DNAH11: variants seen among roughly 807,000 people sequenced by gnomAD.
DNAH11 encodes the protein axonemal beta dynein heavy chain 11.
Under a neutral mutation model 526.0 loss-of-function variants are expected in DNAH11, and 442 were observed. The observed-to-expected ratio is 0.84, with a 90% confidence interval of 0.78 to 0.91. The LOEUF (loss-of-function observed/expected upper bound fraction) is 0.91. Ranked by LOEUF, DNAH11 falls within the 40% of genes least tolerant of loss-of-function variation. DNAH11 has a pLI of 0.00. For missense variants in DNAH11, 6,989 were observed against 5,448.7 expected, an observed-to-expected ratio of 1.28 and a Z score of -8.90; for synonymous variants, 2,461 against 1,935.9, an observed-to-expected ratio of 1.27 and a Z score of -7.12.
At chr7:21,793,548 G>T (rs965779502) in intron 61 of DNAH11, among the ~76,000 whole-genome samples, 1 of 150,744 alleles carries the variant, frequency 6.6e-6, no homozygotes, top group Non-Finnish European at 1.5e-5. Flanking sequence ...GCTGGGAGGT[G>T]AAGGCTGCAG....
Position 21,561,181 on chromosome 7 carries a change from T to C in DNAH11, c.982+11T>C, listed in dbSNP as rs750435389. 2.6e-6 allele frequency: 4 copies of C among 1,562,908 alleles called. No individual in the cohort carries two copies. The East Asian group carries it at 9.3e-5, about 36-fold the overall frequency. On this transcript the variant is annotated intron_variant, in intron 5 of 81. Transcript: ENST00000409508. The stretch of plus-strand genomic sequence containing the variant: ...TGGCTGTGGAAAATGGTAAGACTCT[T>C]GTTCCTCAGCCTGGCATCAATATCA...
In DNAH11 at chr7:21,822,233, T is replaced by C. The variant is rs371380185; in HGVS notation, c.10691+3894T>C. Among the ~76,000 whole-genome samples, 12 of 152,316 alleles carry C rather than the reference T, an allele frequency of 7.9e-5. No individual in the cohort carries two copies. The South Asian group carries it at 2.5e-3, about 32-fold the overall frequency. On this transcript the variant is annotated intron_variant, in intron 65 of 81. Coordinates refer to ENST00000409508, the MANE Select transcript of DNAH11 (RefSeq NM_001277115.2). ...GTAAAAGAAGCACAGTGCCAGCATC[T>C]GCTTCTGGTGAAGCCTCAGGAGGCT... is the stretch of plus-strand genomic sequence containing the variant.
chr7:21,779,184 A>G (rs1336536959), intron 57 of DNAH11, 80 bp downstream of exon 57: 15 of 1,489,816 alleles, frequency 1.0e-5, no homozygotes, highest in South Asian at 6.9e-5. Context: ...ATTTTGAACA[A>G]CTTCCTCTCC....
At position 21,564,206 on chromosome 7, in the gene DNAH11, G is replaced by A. The variant is rs562105878; in HGVS notation, c.1003G>A (p.Val335Met). The change falls in exon 6 of 82, where the codon GTG becomes ATG. Residue 335 changes from valine to methionine, a missense_variant. Val to Met is a conservative substitution (Grantham distance 21, BLOSUM62 1). Transcript: ENST00000409508. ...VENALLEAQDVELYLRPLRRH... is the reference protein window; with the variant it reads ...VENALLEAQDMELYLRPLRRH... ...TTCAGCTCTTCTCGAAGCCCAAGATGTGGAACTTTACCTGAGACCTCTGAG... is the reference window on the plus strand; with the variant it reads ...TTCAGCTCTTCTCGAAGCCCAAGATATGGAACTTTACCTGAGACCTCTGAG... The A allele has an allele frequency of 5.7e-5, 91 of 1,597,366 alleles. No homozygotes were observed. The South Asian group carries it at 1.0e-3, about 18-fold the overall frequency.
At chr7:21,852,405 T>TTA (rs72250572) in intron 66 of DNAH11, 62 bp from the exon 67 acceptor site, 18 of 1,243,306 alleles carry the variant, frequency 1.4e-5, no homozygotes, top group Non-Finnish European at 1.7e-5. Flanking sequence ...AGACTTCCTC[T>TTA]AAAAAAAAAA....
At chr7:21,800,720 C>G (rs911947614) in intron 61 of DNAH11, among the ~76,000 whole-genome samples, 1 of 152,140 alleles carries the variant, frequency 6.6e-6, no homozygotes, top group Middle Eastern at 3.2e-3. Flanking sequence ...AACTATGAAC[C>G]CAAAGAGAAA....
chr7:21,714,705 G>A lies in DNAH11; in HGVS notation c.6983+2845G>A, dbSNP rs541586707. Among the ~76,000 whole-genome samples the A allele has an allele frequency of 2.3e-4, 35 of 152,256 alleles. 1 individual carries two copies. The highest frequency in any genetic ancestry group is 1.9e-4 in the East Asian group (1 of 5,176). On this transcript the variant is annotated intron_variant, in intron 42 of 81. Transcript: ENST00000409508. ...AAAAGTTGGAAAGGTAGTACAATGC[G>A]CAGCCAGAGACGCTTTTCCTGCAAT...
chr7:21,859,800 A>G (rs1037310748), intron 68 of DNAH11, among the ~76,000 whole-genome samples: 15 of 152,206 alleles, frequency 9.9e-5, no homozygotes, highest in African/African-American at 3.1e-4. Flanking sequence ...CATGAATGAG[A>G]GTAATAAATA....
intron 28 of DNAH11, among the ~76,000 whole-genome samples, chr7:21,647,206 C>A (rs1787394145): frequency 6.6e-6 from 1 of 151,896 alleles, no homozygotes; most frequent in South Asian, 2.1e-4. Flanking sequence ...ATGAAAAGTA[C>A]AAAAGTGTAA....
At chr7:21,900,251 C>T in intron 81 of DNAH11, 131 bp downstream of exon 81, 1 of 1,051,094 alleles carries the variant, frequency 9.5e-7, no homozygotes, top group Non-Finnish European at 1.3e-6. Flanking sequence ...TATCTCATTT[C>T]TTCCTCTTAA....
chr7:21,697,998 A>G, intron 35 of DNAH11, 77 bp from the exon 36 acceptor site: 1 of 1,451,280 alleles, frequency 6.9e-7, no homozygotes. Context: ...GTTGGTACGA[A>G]ATAACCACTT....
chr7:21,685,843 C>G (rs1186173490), intron 32 of DNAH11, among the ~76,000 whole-genome samples: 1 of 152,206 alleles, frequency 6.6e-6, no homozygotes. Context: ...GGTCAAATAT[C>G]TCCAAGGAAG....
chr7:21,652,727 C>T (rs1165780990), intron 28 of DNAH11, among the ~76,000 whole-genome samples: 1 of 152,094 alleles, frequency 6.6e-6, no homozygotes, highest in Non-Finnish European at 1.5e-5. Context: ...TCAGGACTAC[C>T]TGTATTCAAT....
intron 68 of DNAH11, among the ~76,000 whole-genome samples, chr7:21,856,168 C>A (rs976959683): frequency 1.3e-5 from 2 of 152,198 alleles, no homozygotes; most frequent in East Asian, 1.9e-4. Context: ...GTTTTGTAGA[C>A]CACTGTGTGT....
intron 77 of DNAH11, 114 bp downstream of exon 77, chr7:21,892,781 AACC>A (rs1784371868): frequency 8.4e-7 from 1 of 1,193,152 alleles, no homozygotes; most frequent in Non-Finnish European, 1.1e-6. Flanking sequence ...TTACTCATAC[AACC>A]ACCACCTAGA....
At chr7:21,765,660 T>C (rs566021704) in intron 55 of DNAH11, 71 bp downstream of exon 55, 2 of 1,034,818 alleles carry the variant, frequency 1.9e-6, no homozygotes, top group South Asian at 2.5e-5. Context: ...ACACACACAC[T>C]CTGAAAATCC....
chr7:21,706,608 C>A (rs558802447), intron 39 of DNAH11, among the ~76,000 whole-genome samples: 1 of 152,068 alleles, frequency 6.6e-6, no homozygotes, highest in East Asian at 1.9e-4. Context: ...TCTATACTTT[C>A]CAGTGGATTA....
intron 55 of DNAH11, among the ~76,000 whole-genome samples, chr7:21,768,561 T>G (rs1787284342): frequency 1.3e-5 from 2 of 152,214 alleles, no homozygotes; most frequent in Admixed American, 1.3e-4. Context: ...AACCGATGAG[T>G]TAAAATCCTC....
intron 5 of DNAH11, among the ~76,000 whole-genome samples, chr7:21,562,892 G>A (rs1475224220): frequency 1.3e-5 from 2 of 152,102 alleles, no homozygotes; most frequent in Non-Finnish European, 2.9e-5. Context: ...TCAAGTGTCT[G>A]GGTTCATCCT....
Sources: gnomAD v4.1 joint callset for allele counts (sites outside exome capture counted in the v4.1 genomes callset) on GRCh38, gnomAD v4.1.1 for gene constraint, MANE v1.5 for transcripts, NCBI Gene and HGNC (gene_info 2026-07-23, HGNC 2026-07-21) for gene names.